The following SUCLG2 variants were observed in gnomAD, a reference collection of about 807,000 sequenced individuals.
The protein encoded by SUCLG2 is succinate--CoA ligase [GDP-forming] subunit beta, mitochondrial.
SUCLG2 carries 42 observed loss-of-function variants against 47.9 expected under a neutral mutation model. That is an observed-to-expected ratio of 0.88 (90% confidence interval 0.69 to 1.14). The LOEUF is 1.14. Ranked by LOEUF, SUCLG2 falls within the 50% of genes most tolerant of loss-of-function variation. SUCLG2 has a pLI of 0.00. For synonymous variants in SUCLG2, 195 were observed against 197.3 expected, an observed-to-expected ratio of 0.99 and a Z score of 0.10; for missense variants, 571 against 525.9, an observed-to-expected ratio of 1.09 and a Z score of -0.84.
At chr3:67,476,503 T>G (rs1466278457) in intron 9 of SUCLG2, among the ~76,000 whole-genome samples, 4 of 152,108 alleles carry the variant, frequency 2.6e-5, no homozygotes, top group African/African-American at 7.2e-5. Flanking sequence ...GATTCTACAT[T>G]ATGGTGAGCT....
At position 67,482,302 on chromosome 3, in the gene SUCLG2, C is replaced by A. The variant is rs148400075; in HGVS notation, c.1062+13496G>T. Among the ~76,000 whole-genome samples, 948 of 152,262 alleles carry A rather than the reference C, an allele frequency of 6.2e-3. 9 individuals carry two copies. Among genetic ancestry groups the A allele is most frequent in the African/African-American group, 0.022 (918 of 41,554 alleles). ...ACCACTAGAAGAGAAATATAGTATG[C>A]TGATGGGGCTTCACTTTCCGTCCTA... On this transcript the variant is annotated intron_variant, in intron 9 of 10. Coordinates refer to ENST00000307227, the MANE Select transcript of SUCLG2 (RefSeq NM_003848.4).
chr3:67,396,942 T>C (rs984108345), intron 10 of SUCLG2, among the ~76,000 whole-genome samples: 1 of 151,170 alleles, frequency 6.6e-6, no homozygotes, highest in Admixed American at 6.6e-5. Context: ...TCTCAATAGA[T>C]GCAGAAAAGG....
At chr3:67,551,414 A>G (rs1449934667) in intron 2 of SUCLG2, among the ~76,000 whole-genome samples, 1 of 152,164 alleles carries the variant, frequency 6.6e-6, no homozygotes, top group African/African-American at 2.4e-5. Context: ...TTTGATATCC[A>G]TGGCTGCCGC....
intron 2 of SUCLG2, among the ~76,000 whole-genome samples, chr3:67,601,909 G>T (rs1708427703): frequency 6.6e-6 from 1 of 152,096 alleles, no homozygotes. Context: ...CTGAACCTGG[G>T]AGGCAGAGAT....
chr3:67,457,684 CTTTTTTTTTTT>C (rs71109889), intron 9 of SUCLG2, among the ~76,000 whole-genome samples: 1 of 65,510 alleles, frequency 1.5e-5, no homozygotes, highest in African/African-American at 7.6e-5. Context: ...ACAAAAGCAG[CTTTTTTTTTTT>C]TTTTTTTTTT....
intron 10 of SUCLG2, among the ~76,000 whole-genome samples, chr3:67,379,201 C>T (rs560398046): frequency 6.6e-6 from 1 of 152,150 alleles, no homozygotes; most frequent in Non-Finnish European, 1.5e-5. Context: ...CTTGCCTCGG[C>T]CTCCCAAAGT....
At chr3:67,641,601 T>C (rs1335655687) in intron 1 of SUCLG2, among the ~76,000 whole-genome samples, 2 of 152,194 alleles carry the variant, frequency 1.3e-5, no homozygotes, top group East Asian at 1.9e-4. Flanking sequence ...TTCATAATAA[T>C]ACTAGGATGA....
At chr3:67,457,440 G>A (rs1482313163) in intron 9 of SUCLG2, among the ~76,000 whole-genome samples, 1 of 152,010 alleles carries the variant, frequency 6.6e-6, no homozygotes, top group African/African-American at 2.4e-5. Context: ...ACAATTATTA[G>A]AAGTACAGAA....
intron 10 of SUCLG2, among the ~76,000 whole-genome samples, chr3:67,380,220 C>T (rs576395882): frequency 6.7e-6 from 1 of 148,802 alleles, no homozygotes; most frequent in Non-Finnish European, 1.5e-5. Context: ...TTGGGAGTGG[C>T]TCCTTTTGCT....
chr3:67,408,244 C>T (rs576681268), intron 9 of SUCLG2, among the ~76,000 whole-genome samples: 19 of 152,266 alleles, frequency 1.2e-4, no homozygotes, highest in South Asian at 6.2e-4. Flanking sequence ...AATAAAGCAA[C>T]TCATGTACCT....
At chr3:67,372,570 A>AG (rs150188190), downstream of SUCLG2, among the ~76,000 whole-genome samples, 230 of 152,302 alleles carry the variant, frequency 1.5e-3, 2 homozygotes, top group East Asian at 0.02. Context: ...GGAACAGCAT[A>AG]TGTTCAAAAG....
chr3:67,472,299 A>T (rs1704624217), intron 9 of SUCLG2, among the ~76,000 whole-genome samples: 1 of 152,246 alleles, frequency 6.6e-6, no homozygotes, highest in African/African-American at 2.4e-5. Flanking sequence ...TTTTTTAAAA[A>T]ACAAGACCAT....
intron 1 of SUCLG2, among the ~76,000 whole-genome samples, chr3:67,654,203 T>G (rs1343413102): frequency 1.3e-5 from 2 of 152,358 alleles, no homozygotes; most frequent in African/African-American, 4.8e-5. Flanking sequence ...TTCTTAAACT[T>G]GCGTCCAGCG....
chr3:67,537,905 T>C (rs1706590004), intron 2 of SUCLG2, among the ~76,000 whole-genome samples: 1 of 152,240 alleles, frequency 6.6e-6, no homozygotes. Flanking sequence ...CACCCACTTT[T>C]TGATGGGTTT....
At chr3:67,373,503 A>G (rs1339060854), downstream of SUCLG2, among the ~76,000 whole-genome samples, 1 of 152,134 alleles carries the variant, frequency 6.6e-6, no homozygotes, top group Non-Finnish European at 1.5e-5. Flanking sequence ...CAGCCAAACC[A>G]TATCAGGTAG....
At chr3:67,401,291 T>A (rs1702678848) in intron 9 of SUCLG2, among the ~76,000 whole-genome samples, 1 of 152,194 alleles carries the variant, frequency 6.6e-6, no homozygotes, top group African/African-American at 2.4e-5. Flanking sequence ...TTTATTGTTT[T>A]GTATTAAAAG....
intron 4 of SUCLG2, among the ~76,000 whole-genome samples, chr3:67,522,304 C>T (rs946279097): frequency 8.5e-5 from 13 of 152,116 alleles, no homozygotes; most frequent in Non-Finnish European, 1.8e-4. Flanking sequence ...CTAAGATTCC[C>T]AAAGTGTTGG....
At chr3:67,436,215 C>T (rs1394447575) in intron 9 of SUCLG2, among the ~76,000 whole-genome samples, 2 of 152,084 alleles carry the variant, frequency 1.3e-5, no homozygotes, top group Non-Finnish European at 2.9e-5. Flanking sequence ...AATGAATGAG[C>T]AGGAAAACAA....
intron 2 of SUCLG2, among the ~76,000 whole-genome samples, chr3:67,575,569 G>A (rs534482315): frequency 3.2e-4 from 48 of 152,264 alleles, no homozygotes; most frequent in African/African-American, 9.1e-4. Context: ...TCTTATGGGA[G>A]GGTGAAAATG....
Sources: gnomAD v4.1 joint callset for allele counts (sites outside exome capture counted in the v4.1 genomes callset) on GRCh38, gnomAD v4.1.1 for gene constraint, MANE v1.5 for transcripts, NCBI Gene and HGNC (gene_info 2026-07-23, HGNC 2026-07-21) for gene names.